Variants in DSE observed in about 807,000 individuals in gnomAD.
The protein encoded by DSE is dermatan sulfate epimerase, also known as dermatan-sulfate epimerase.
In DSE, 36 loss-of-function variants were observed where a neutral mutation model predicts 84.4. The ratio of observed to expected loss-of-function variants is 0.43; its 90% confidence interval spans 0.33 to 0.56. DSE has a LOEUF of 0.56. Among genes scored for constraint, DSE ranks in the 20% least tolerant of loss-of-function variants. DSE has a pLI of 0.06. For synonymous variants in DSE, 410 were observed against 430.1 expected, an observed-to-expected ratio of 0.95 and a Z score of 0.58; for missense variants, 862 against 1,169.6, an observed-to-expected ratio of 0.74 and a Z score of 3.84.
chr6:116,308,329 G>C (rs187122299), intron 2 of DSE, among the ~76,000 whole-genome samples: 1 of 152,150 alleles, frequency 6.6e-6, no homozygotes, highest in Non-Finnish European at 1.5e-5. Flanking sequence ...CTTCAATCTT[G>C]TAAGAGATTT....
chr6:116,283,776 T>G (rs941194774), intron 2 of DSE, among the ~76,000 whole-genome samples: 1 of 152,150 alleles, frequency 6.6e-6, no homozygotes, highest in Non-Finnish European at 1.5e-5. Flanking sequence ...ATTCCCGACC[T>G]CAGGTGATCC....
intron 2 of DSE, among the ~76,000 whole-genome samples, chr6:116,325,995 C>A (rs1365000850): frequency 6.6e-6 from 1 of 152,130 alleles, no homozygotes; most frequent in Non-Finnish European, 1.5e-5. Context: ...TGGAACAAAA[C>A]AGGACAGGGA....
chr6:116,351,987 A>G (rs1583071186), intron 2 of DSE, among the ~76,000 whole-genome samples: 1 of 152,154 alleles, frequency 6.6e-6, no homozygotes, highest in East Asian at 1.9e-4. Flanking sequence ...TCTTTAGTTT[A>G]TGGGAAATTT....
intron 2 of DSE, among the ~76,000 whole-genome samples, chr6:116,280,781 G>GT (rs1250422062): frequency 6.6e-6 from 1 of 152,178 alleles, no homozygotes. Flanking sequence ...AGAAATATCA[G>GT]TGGGGGGAGC....
intron 2 of DSE, among the ~76,000 whole-genome samples, chr6:116,260,107 C>T (rs955462000): frequency 6.6e-6 from 1 of 152,244 alleles, no homozygotes; most frequent in Non-Finnish European, 1.5e-5. Context: ...CTCCCACCAA[C>T]AGTGTATAAG....
Position 116,436,817 on chromosome 6 carries a change from G to C in DSE, c.2349G>C (p.Lys783Asn). ...TAERLLRFSD[K>N]RQTEEAIDRI... Reference sequence around the variant, plus strand: ...AACGCCTGCTGAGATTTTCAGATAAGAGACAGACTGAGGAGGCCATTGACA... The same window carrying C: ...AACGCCTGCTGAGATTTTCAGATAACAGACAGACTGAGGAGGCCATTGACA... The change falls in exon 6 of 6, where the codon AAG becomes AAC. Residue 783 changes from lysine to asparagine, a missense_variant. Transcript: ENST00000644252. The C allele has an allele frequency of 6.2e-7, 1 of 1,614,142 alleles. No homozygotes were observed. The highest frequency in any genetic ancestry group is 8.5e-7 in the Non-Finnish European group (1 of 1,180,000).
chr6:116,442,936 A>G lies in DSE; in HGVS notation c.*5591A>G, dbSNP rs1033180428. 4.7e-4 allele frequency: 8 copies of G among 17,002 alleles called. No homozygotes were observed. The highest frequency in any genetic ancestry group is 7.4e-4 in the Non-Finnish European group (4 of 5,398). 1.1% of individuals were successfully genotyped at this position (17,002 alleles called of 1,614,324 possible). A position where few individuals can be genotyped will look rare whatever the true frequency, so the allele number is the denominator to read the frequency against. On this transcript the variant is annotated 3_prime_UTR_variant, in exon 6 of 6. Coordinates refer to ENST00000644252, the MANE Select transcript of DSE (RefSeq NM_013352.4). ...CTGAGATGGCTCTGATATGCCCCCC[A>G]TATTCCATATGTTTACTCCCTGGGG...
intron 2 of DSE, among the ~76,000 whole-genome samples, chr6:116,421,463 ATTTT>A (rs71012335): frequency 7.7e-4 from 47 of 61,302 alleles, no homozygotes; most frequent in Non-Finnish European, 8.8e-4. Context: ...ATATATATAT[ATTTT>A]TTTTTTTTTT....
At position 116,433,480 on chromosome 6, in the gene DSE, C is replaced by G. The variant is rs1277088054; in HGVS notation, c.1048C>G (p.Arg350Gly). ...GCTAGCTGACCAAATCAGAAGGAAC[C>G]GTGTGGTGGAAGGTCCAGGAACACC... is the stretch of plus-strand genomic sequence containing the variant. The part of the protein sequence containing the change: ...NWLADQIRRN[R>G]VVEGPGTPSK... Residue 350 changes from arginine (R) to glycine (G), a missense_variant, in exon 5 of 6, where the codon CGT becomes GGT. Arg to Gly is a moderately radical substitution (Grantham distance 125). Coordinates refer to ENST00000644252, the MANE Select transcript of DSE (RefSeq NM_013352.4). 1.3e-6 allele frequency: 2 copies of G among 1,559,862 alleles called. No homozygotes were observed. The highest frequency in any genetic ancestry group is 1.9e-5 in the Admixed American group (1 of 51,966).
chr6:116,279,962 A>G (rs1397879881), intron 2 of DSE: 1 of 1,326,862 alleles, frequency 7.5e-7, no homozygotes, highest in Non-Finnish European at 1.1e-6. Context: ...TCAGGACTGG[A>G]GATCTCACGG....
intron 5 of DSE, among the ~76,000 whole-genome samples, chr6:116,434,301 AATTTGC>A (rs1330057259): frequency 6.6e-6 from 1 of 152,192 alleles, no homozygotes; most frequent in East Asian, 1.9e-4. Flanking sequence ...AAGCTGTTGA[AATTTGC>A]ATTCAACTCC....
intron 2 of DSE, among the ~76,000 whole-genome samples, chr6:116,319,521 A>G (rs1036017562): frequency 6.6e-6 from 1 of 152,232 alleles, no homozygotes; most frequent in African/African-American, 2.4e-5. Context: ...CACATCTCAC[A>G]TGGAAAGAAG....
At chr6:116,259,290 T>C in intron 2 of DSE, 2 of 540,004 alleles carry the variant, frequency 3.7e-6, no homozygotes, top group South Asian at 4.3e-5. Context: ...TACAGCATGA[T>C]AAATTAGTTA....
In DSE at chr6:116,286,763, A is replaced by G. The variant is rs11968799; in HGVS notation, c.-54+27796A>G. Among the ~76,000 whole-genome samples the G allele has an allele frequency of 5.9e-3, 893 of 152,272 alleles. 9 individuals are homozygous for G. The highest frequency in any genetic ancestry group is 0.02 in the African/African-American group (834 of 41,558). ...ACCATGGATGGAGACTGATATGGGT[A>G]TGTTTTACCTGTGATTCAAATACCA... On this transcript the variant is annotated intron_variant, in intron 2 of 3. Coordinates refer to the DSE transcript ENST00000430252.
Position 116,313,588 on chromosome 6 carries a change from G to A in DSE, c.-54+54621G>A, listed in dbSNP as rs939103569. 2.0e-5 allele frequency among the ~76,000 whole-genome samples: 3 copies of A among 152,210 alleles called. No homozygotes were observed. The South Asian group carries it at 6.2e-4, about 32-fold the overall frequency. ...TATAAATTAATTGCAAGCATAGCTGGAGTAACTCCAGCCACAAACTAAGTG... is the reference window on the plus strand; with the variant it reads ...TATAAATTAATTGCAAGCATAGCTGAAGTAACTCCAGCCACAAACTAAGTG... On this transcript the variant is annotated intron_variant, in intron 2 of 3. Transcript: ENST00000430252.
intron 2 of DSE, among the ~76,000 whole-genome samples, chr6:116,267,639 T>A (rs1282161846): frequency 6.6e-6 from 1 of 152,172 alleles, no homozygotes. Flanking sequence ...AATTTTTTTA[T>A]AAACTTAGTG....
intron 2 of DSE, chr6:116,279,260 C>G: frequency 6.2e-7 from 1 of 1,606,950 alleles, no homozygotes; most frequent in Non-Finnish European, 8.5e-7. Context: ...TCCTCTACCT[C>G]CATCTGCTCC....
chr6:116,370,003 G>C (rs1199929786), upstream of DSE: 2 of 1,246,314 alleles, frequency 1.6e-6, no homozygotes, highest in Non-Finnish European at 1.1e-6. Context: ...GGTGGAGGTG[G>C]AAGGGGCAAA....
At chr6:116,319,828 TAA>T (rs1321953180) in intron 2 of DSE, among the ~76,000 whole-genome samples, 2 of 152,180 alleles carry the variant, frequency 1.3e-5, no homozygotes, top group East Asian at 3.8e-4. Flanking sequence ...GTTGTTTTCA[TAA>T]ATATGTTCTT....
Sources: gnomAD v4.1 joint callset for allele counts (sites outside exome capture counted in the v4.1 genomes callset) on GRCh38, gnomAD v4.1.1 for gene constraint, MANE v1.5 for transcripts, NCBI Gene and HGNC (gene_info 2026-07-23, HGNC 2026-07-21) for gene names.